MALRD1: variants seen among roughly 807,000 people sequenced by gnomAD.
MALRD1 encodes the protein MAM and LDL-receptor class A domain-containing protein 1.
Under a neutral mutation model 242.1 loss-of-function variants are expected in MALRD1, and 247 were observed. The ratio of observed to expected loss-of-function variants is 1.02; its 90% CI spans 0.92 to 1.13. The LOEUF is 1.13. MALRD1 is among the 50% of genes most tolerant of loss of function. MALRD1 has a pLI of 0.00. For synonymous variants in MALRD1, 995 were observed against 866.6 expected (o/e 1.15, Z -2.60); for missense variants, 2,989 against 2,533.1 (o/e 1.18, Z -3.86).
At chr10:19,721,279 G>A (rs958675184) in intron 38 of MALRD1, among the ~76,000 whole-genome samples, 3 of 151,988 alleles carry the variant, frequency 2.0e-5, no homozygotes, top group Non-Finnish European at 2.9e-5. Flanking sequence ...TTCAAATTCC[G>A]TAAATCTTAA....
chr10:19,380,317 A>T (rs1318437589), intron 26 of MALRD1, among the ~76,000 whole-genome samples: 1 of 149,620 alleles, frequency 6.7e-6, no homozygotes, highest in Admixed American at 6.7e-5. Flanking sequence ...TTATTACTGC[A>T]AAATGGTCCT....
At chr10:19,344,219 A>G (rs1844005963) in intron 24 of MALRD1, among the ~76,000 whole-genome samples, 1 of 152,116 alleles carries the variant, frequency 6.6e-6, no homozygotes, top group African/African-American at 2.4e-5. Context: ...ATCACATCTA[A>G]GAATACTTCA....
At chr10:19,099,750 T>TAC (rs1836179988) in intron 4 of MALRD1, among the ~76,000 whole-genome samples, 1 of 92,956 alleles carries the variant, frequency 1.1e-5, no homozygotes, top group East Asian at 2.9e-4. Flanking sequence ...CCATAGAACC[T>TAC]ATATATATAT....
At chr10:19,471,278 C>A (rs1836479355) in intron 29 of MALRD1, among the ~76,000 whole-genome samples, 1 of 151,766 alleles carries the variant, frequency 6.6e-6, no homozygotes, top group Non-Finnish European at 1.5e-5. Flanking sequence ...TGATTATGTT[C>A]CATTGGTCTA....
intron 38 of MALRD1, among the ~76,000 whole-genome samples, chr10:19,708,635 C>T (rs1833973825): frequency 8.4e-6 from 1 of 118,376 alleles, no homozygotes; most frequent in African/African-American, 2.7e-5. Flanking sequence ...CCTGAGCCGC[C>T]GTGCCTGGCC....
In MALRD1 at chr10:19,498,569, C is replaced by G; in HGVS notation, c.5243C>G (p.Ser1748Cys). 1 of 1,550,302 alleles carries G rather than the reference C, an allele frequency of 6.5e-7. No individual in the cohort carries two copies. Among genetic ancestry groups the G allele is most frequent in the Non-Finnish European group, 8.7e-7 (1 of 1,146,852 alleles). ...WTTACSLTQD[S>C]EDDLDWAIGS... is the part of the protein sequence containing the mutation. Reference sequence around the variant, plus strand: ...ACAGCCTGCAGTCTTACTCAAGACTCTGAGGATGACTTGGACTGGGCCATT... The same window carrying G: ...ACAGCCTGCAGTCTTACTCAAGACTGTGAGGATGACTTGGACTGGGCCATT... The change falls in exon 31 of 40, where the codon TCT becomes TGT. Residue 1748 changes from serine to cysteine, a missense_variant. Ser to Cys is a moderately radical substitution (Grantham distance 112). Coordinates refer to ENST00000454679, the MANE Select transcript of MALRD1 (RefSeq NM_001142308.3).
intron 22 of MALRD1, 38 bp downstream of exon 22, chr10:19,324,143 C>G (rs1414856959): frequency 2.0e-6 from 3 of 1,533,572 alleles, no homozygotes; most frequent in Non-Finnish European, 2.6e-6. Context: ...AATTTTCTCT[C>G]TAAAAGTTCA....
At chr10:19,324,188 G>A in intron 22 of MALRD1, 83 bp downstream of exon 22, 2 of 1,312,602 alleles carry the variant, frequency 1.5e-6, no homozygotes, top group East Asian at 2.6e-5. Context: ...AATATATTCT[G>A]TTAATAAGTG....
chr10:19,125,295 T>A (rs577568820), intron 7 of MALRD1, among the ~76,000 whole-genome samples: 1,048 of 34,262 alleles, frequency 0.031, 11 homozygotes, highest in Non-Finnish European at 0.037. Context: ...CTTTCTTTCC[T>A]TCCTTCCTTC....
intron 28 of MALRD1, among the ~76,000 whole-genome samples, chr10:19,399,769 A>C (rs74118936): frequency 0.018 from 2,793 of 152,306 alleles, 78 homozygotes; most frequent in African/African-American, 0.064. Context: ...CAAATAAAGA[A>C]ATATTTAGAC....
chr10:19,583,488 G>T (rs1282062195), intron 33 of MALRD1, among the ~76,000 whole-genome samples: 2 of 149,578 alleles, frequency 1.3e-5, no homozygotes, highest in Admixed American at 6.6e-5. Flanking sequence ...TAATCATGTG[G>T]TTTTTGTCTT....
At chr10:19,444,810 T>C (rs1834874785) in intron 28 of MALRD1, among the ~76,000 whole-genome samples, 1 of 152,086 alleles carries the variant, frequency 6.6e-6, no homozygotes, top group East Asian at 1.9e-4. Context: ...TCTCAAGGAG[T>C]ATCTTTGTGG....
intron 12 of MALRD1, among the ~76,000 whole-genome samples, chr10:19,161,964 G>C (rs1834442677): frequency 6.6e-6 from 1 of 152,138 alleles, no homozygotes; most frequent in Non-Finnish European, 1.5e-5. Flanking sequence ...GGAAGTGGAG[G>C]CTGCAGTGAG....
At chr10:19,234,662 G>A (rs1031348443) in intron 18 of MALRD1, among the ~76,000 whole-genome samples, 6 of 152,008 alleles carry the variant, frequency 3.9e-5, no homozygotes, top group African/African-American at 1.4e-4. Flanking sequence ...ATGTCTATTG[G>A]TATAGATATA....
chr10:19,154,882 G>A (rs1834081064), intron 11 of MALRD1, among the ~76,000 whole-genome samples, 193 bp from the exon 12 acceptor site: 1 of 152,158 alleles, frequency 6.6e-6, no homozygotes. Flanking sequence ...TTGATTAAAT[G>A]TTATTTTAGG....
chr10:19,594,392 T>A (rs1265601231), intron 33 of MALRD1, among the ~76,000 whole-genome samples: 2 of 152,144 alleles, frequency 1.3e-5, no homozygotes, highest in Non-Finnish European at 2.9e-5. Context: ...CTGGTGGGAA[T>A]GTAAATTAGT....
At chr10:19,439,817 T>TC (rs1248904984) in intron 28 of MALRD1, among the ~76,000 whole-genome samples, 5 of 152,208 alleles carry the variant, frequency 3.3e-5, no homozygotes, top group Admixed American at 2.0e-4. Flanking sequence ...CCTTCCCCAC[T>TC]CCATTTCCCT....
chr10:19,406,355 G>A (rs2130869480), intron 28 of MALRD1, among the ~76,000 whole-genome samples: 1 of 152,300 alleles, frequency 6.6e-6, no homozygotes, highest in East Asian at 1.9e-4. Flanking sequence ...CTGAACAGGA[G>A]TTTTCATTGT....
chr10:19,363,366 G>A (rs886940860), intron 26 of MALRD1, among the ~76,000 whole-genome samples: 2 of 152,054 alleles, frequency 1.3e-5, no homozygotes, highest in Non-Finnish European at 2.9e-5. Flanking sequence ...AGAGTGAAAG[G>A]AAGACGATCA....
Sources: gnomAD v4.1 joint callset for allele counts (sites outside exome capture counted in the v4.1 genomes callset) on GRCh38, gnomAD v4.1.1 for gene constraint, MANE v1.5 for transcripts, NCBI Gene and HGNC (gene_info 2026-07-23, HGNC 2026-07-21) for gene names.